Variants in ELAVL3 observed in about 807,000 individuals in gnomAD.
The protein encoded by ELAVL3 is ELAV-like protein 3.
ELAVL3 carries 8 observed loss-of-function variants against 34.2 expected under a neutral mutation model. That is an observed-to-expected ratio of 0.23 (90% CI 0.14 to 0.42). The LOEUF is 0.42. Ranked by LOEUF, ELAVL3 falls within the 10% of genes least tolerant of loss-of-function variation. The pLI, the probability that ELAVL3 is intolerant of heterozygous loss-of-function variation, is 1.00. For missense variants in ELAVL3, 273 were observed against 518.8 expected (o/e 0.53, Z 4.60); for synonymous variants, 209 against 222.1 (o/e 0.94, Z 0.53).
chr19:11,451,478 TTGTCTTTTGTTTTGTC>T lies in ELAVL3; in HGVS notation c.*3032_*3047del. The stretch of plus-strand genomic sequence containing the variant: ...TTCTTGTTGGGTTTTTTTTTTTTTT[TTGTCTTTTGTTTTGTC>T]TTTTTTTTTTTTTTTTTTTTTACAG... On this transcript the variant is annotated 3_prime_UTR_variant, in exon 7 of 7. Coordinates refer to ENST00000359227, the MANE Select transcript of ELAVL3 (RefSeq NM_001420.4). 1 of 150,526 alleles carries T rather than the reference TTGTCTTTTGTTTTGTC, an allele frequency of 6.6e-6. No individual in the cohort carries two copies. Among genetic ancestry groups the T allele is most frequent in the Non-Finnish European group, 1.5e-5 (1 of 67,530 alleles). The allele number at this position is 150,526 out of a possible 1,614,324, so 9.3% of individuals were successfully genotyped here.
rs1386663162 is a variant in ELAVL3 at position 11,458,947 on chromosome 19, T to G, written c.334-336A>C. 1.4e-5 allele frequency among the ~76,000 whole-genome samples: 2 copies of G among 146,964 alleles called. No homozygotes were observed. The highest frequency in any genetic ancestry group is 6.8e-5 in the Admixed American group (1 of 14,638). Reference sequence around the variant, plus strand: ...TGCTTGACAGTCCATCAACAAACATTGACCTTTTTTTTTTTTTAAAGACAG... The same window carrying G: ...TGCTTGACAGTCCATCAACAAACATGGACCTTTTTTTTTTTTTAAAGACAG... On this transcript the variant is annotated intron_variant, in intron 3 of 6. Transcript: ENST00000359227. The surrounding 1 kb of genome is among the most constrained non-coding windows in gnomAD (Gnocchi z 7.3).
At position 11,480,480 on chromosome 19, in the gene ELAVL3, C is replaced by G. The variant is rs937845974; in HGVS notation, c.9+120G>C. 9.0e-6 allele frequency: 11 copies of G among 1,218,762 alleles called. No individual in the cohort carries two copies. Among genetic ancestry groups the G allele is most frequent in the African/African-American group, 4.8e-5 (3 of 62,676 alleles). 75.5% of individuals were successfully genotyped at this position (1,218,762 alleles called of 1,614,324 possible). A position where few individuals can be genotyped will look rare whatever the true frequency, so the allele number is the denominator to read the frequency against. On this transcript the variant is annotated intron_variant, in intron 1 of 6. Transcript: ENST00000359227. This position sits in a 1 kb window ranked among gnomAD's most constrained non-coding sequence, Gnocchi z 6.8. ...GGCCCCGAGGCTTGGTCCTACCCCC[C>G]CAACCCGGGCCTAGCTAGGCCTGGT...
intron 3 of ELAVL3, among the ~76,000 whole-genome samples, chr19:11,464,161 A>G (rs1568382005): frequency 9.5e-6 from 1 of 105,042 alleles, no homozygotes; most frequent in African/African-American, 6.1e-5. Context: ...CTATATATAT[A>G]TATATATTTT....
chr19:11,480,829 C>A lies in ELAVL3; in HGVS notation c.-221G>T, dbSNP rs1971364310. On this transcript the variant is annotated 5_prime_UTR_variant, in exon 1 of 7. Transcript: ENST00000359227. The surrounding 1 kb of genome is among the most constrained non-coding windows in gnomAD (Gnocchi z 6.8). ...GCCGGGCCCCGGGGTGGCCTGCGGG[C>A]GGCAGGGGATGGAAAGAGGGAGCGG... 2.6e-6 allele frequency: 1 copy of A among 390,536 alleles called. No individual in the cohort carries two copies. The highest frequency in any genetic ancestry group is 4.5e-6 in the Non-Finnish European group (1 of 223,396). The allele number at this position is 390,536 out of a possible 1,614,324, so 24.2% of individuals were successfully genotyped here.
rs1166300454 is a variant in ELAVL3 at position 11,452,518 on chromosome 19, TTTC to T, written c.*2005_*2007del. The T allele has an allele frequency of 6.6e-6, 1 of 151,984 alleles. No individual in the cohort carries two copies. The highest frequency in any genetic ancestry group is 2.4e-5 in the African/African-American group (1 of 41,370). 9.4% of individuals were successfully genotyped at this position (151,984 alleles called of 1,614,324 possible). Reference sequence around the variant, plus strand: ...TTTTTTTTAAATCTCTTCTGTGTGTTTTCTTTTTTTGTTGCTTTTTTTTCCTCT... The same window carrying T: ...TTTTTTTTAAATCTCTTCTGTGTGTTTTTTTTTGTTGCTTTTTTTTCCTCT... On this transcript the variant is annotated 3_prime_UTR_variant, in exon 7 of 7. Coordinates refer to ENST00000359227, the MANE Select transcript of ELAVL3 (RefSeq NM_001420.4).
intron 6 of ELAVL3, among the ~76,000 whole-genome samples, chr19:11,455,342 C>A (rs999239708): frequency 2.0e-5 from 3 of 151,128 alleles, no homozygotes; most frequent in African/African-American, 7.3e-5. Flanking sequence ...GCTCTGTTGC[C>A]CAGGCTGGAG....
chr19:11,454,643 G>C lies in ELAVL3; in HGVS notation c.987C>G (p.Phe329Leu). The change falls in exon 7 of 7, where the codon TTC (phenylalanine) becomes TTG (leucine). Residue 329 changes from phenylalanine to leucine, a missense_variant. Around this residue, in one of 4 missense-constraint regions of ELAVL3, gnomAD observed 52 missense variants for 119.6 expected, o/e 0.43. Transcript: ENST00000359227. The surrounding 1 kb of genome is among the most constrained non-coding windows in gnomAD (Gnocchi z 9.2). ...FTTNKCKGFG[F>L]VTMTNYDEAA... ...CCTCGTCATAGTTGGTCATGGTCAC[G>C]AAGCCGAAACCCTTGCACTTGTTGG... The C allele has an allele frequency of 6.2e-7, 1 of 1,614,232 alleles. No homozygotes were observed. The highest frequency in any genetic ancestry group is 8.5e-7 in the Non-Finnish European group (1 of 1,180,030).
chr19:11,466,209 G>C lies in ELAVL3; in HGVS notation c.296C>G (p.Thr99Ser). 1 of 1,613,816 alleles carries C rather than the reference G, an allele frequency of 6.2e-7. No individual in the cohort carries two copies. Among genetic ancestry groups the C allele is most frequent in the African/African-American group, 1.3e-5 (1 of 74,938 alleles). ...DPNDADKAIN[T>S]LNGLKLQTKT... Reference sequence around the variant, plus strand: ...CGTCTGTAATTTGAGGCCGTTGAGGGTGTTGATGGCTTTGTCTGCATCATT... The same window carrying C: ...CGTCTGTAATTTGAGGCCGTTGAGGCTGTTGATGGCTTTGTCTGCATCATT... The change falls in exon 3 of 7, where the codon ACC (threonine) becomes AGC (serine). Residue 99 changes from threonine to serine, a missense_variant. Physicochemically the swap from Thr to Ser is moderately conservative, Grantham distance 58. Transcript: ENST00000359227. The surrounding 1 kb of genome is among the most constrained non-coding windows in gnomAD (Gnocchi z 5.0).
At chr19:11,468,293 T>C (rs34953096) in intron 1 of ELAVL3, among the ~76,000 whole-genome samples, 7 of 152,336 alleles carry the variant, frequency 4.6e-5, no homozygotes, top group African/African-American at 1.7e-4. Context: ...GCTTTTATTG[T>C]ATAACATAAA....
intron 1 of ELAVL3, among the ~76,000 whole-genome samples, chr19:11,474,067 C>T (rs1475919063): frequency 6.6e-6 from 1 of 152,132 alleles, no homozygotes; most frequent in Non-Finnish European, 1.5e-5. Flanking sequence ...GGGTCTCGCT[C>T]TGTCACCCAG....
In ELAVL3 at chr19:11,466,091, G is replaced by A. The variant is rs1041957537; in HGVS notation, c.333+81C>T. 17 of 1,249,176 alleles carry A rather than the reference G, an allele frequency of 1.4e-5. No homozygotes were observed. Among genetic ancestry groups the A allele is most frequent in the East Asian group, 2.4e-5 (1 of 42,476 alleles). 77.4% of individuals were successfully genotyped at this position (1,249,176 alleles called of 1,614,324 possible). On this transcript the variant is annotated intron_variant, in intron 3 of 6. Transcript: ENST00000359227. The surrounding 1 kb of genome is among the most constrained non-coding windows in gnomAD (Gnocchi z 5.0). The stretch of plus-strand genomic sequence containing the variant: ...AAAGGCAGTGGACATGGATGCATGG[G>A]GGCGGGTAGGTGGCAGTAGGGGGTT...
intron 1 of ELAVL3, among the ~76,000 whole-genome samples, chr19:11,476,843 G>C (rs1568388037): frequency 6.6e-6 from 1 of 151,998 alleles, no homozygotes; most frequent in East Asian, 1.9e-4. Context: ...AGCTTGCAGT[G>C]AGCCGAGATT....
intron 1 of ELAVL3, among the ~76,000 whole-genome samples, chr19:11,472,997 G>C (rs1445206943): frequency 6.6e-6 from 1 of 151,390 alleles, no homozygotes; most frequent in South Asian, 2.1e-4. Context: ...AATCCGGGAG[G>C]TGGAGATTGC....
In ELAVL3 at chr19:11,453,189, TTGTGGG is replaced by T. The variant is rs1970691874; in HGVS notation, c.*1331_*1336del. 1 of 147,166 alleles carries T rather than the reference TTGTGGG, an allele frequency of 6.8e-6. No homozygotes were observed. Among genetic ancestry groups the T allele is most frequent in the Non-Finnish European group, 1.5e-5 (1 of 67,068 alleles). 9.1% of individuals were successfully genotyped at this position (147,166 alleles called of 1,614,324 possible). A position where few individuals can be genotyped will look rare whatever the true frequency, so the allele number is the denominator to read the frequency against. ...CAGGGGTGTCCTTTGGCCTCAAGTGTTGTGGGGGGGGGGGCTGCCTCCAGCCCACCG... is the reference window on the plus strand; with the variant it reads ...CAGGGGTGTCCTTTGGCCTCAAGTGTGGGGGGGGCTGCCTCCAGCCCACCG... On this transcript the variant is annotated 3_prime_UTR_variant, in exon 7 of 7. Transcript: ENST00000359227.
intron 1 of ELAVL3, among the ~76,000 whole-genome samples, chr19:11,472,290 G>A (rs1247680884): frequency 6.6e-6 from 1 of 152,196 alleles, no homozygotes; most frequent in Non-Finnish European, 1.5e-5. Flanking sequence ...AGGTTGCAGT[G>A]AGCCAAGATC....
intron 1 of ELAVL3, among the ~76,000 whole-genome samples, chr19:11,470,628 A>C (rs917062618): frequency 5.9e-5 from 9 of 151,760 alleles, no homozygotes; most frequent in African/African-American, 2.2e-4. Context: ...GGTAGCTGAG[A>C]TCCCACCATT....
rs1970658580 is a variant in ELAVL3, at chr19:11,452,128, A to T, written c.*2398T>A. The T allele has an allele frequency of 6.6e-6, 1 of 152,292 alleles. No homozygotes were observed. Among genetic ancestry groups the T allele is most frequent in the Non-Finnish European group, 1.5e-5 (1 of 68,062 alleles). The allele number at this position is 152,292 out of a possible 1,614,324, so 9.4% of individuals were successfully genotyped here. On this transcript the variant is annotated 3_prime_UTR_variant, in exon 7 of 7. Coordinates refer to ENST00000359227, the MANE Select transcript of ELAVL3 (RefSeq NM_001420.4). ...TCAAGACAAGAGCAAAAAGAATCCC[A>T]TTGGTGACCTGGACGTCGCTGGCCG...
chr19:11,471,169 G>C (rs958560031), intron 1 of ELAVL3, among the ~76,000 whole-genome samples: 2 of 151,822 alleles, frequency 1.3e-5, no homozygotes, highest in African/African-American at 4.8e-5. Context: ...AATTAGCCGG[G>C]CATGGTGGTG....
chr19:11,455,000 T>C lies in ELAVL3; in HGVS notation c.753-123A>G. 2.6e-6 allele frequency: 3 copies of C among 1,161,046 alleles called. No individual in the cohort carries two copies. Among genetic ancestry groups the C allele is most frequent in the Non-Finnish European group, 3.6e-6 (3 of 826,230 alleles). 71.9% of individuals were successfully genotyped at this position (1,161,046 alleles called of 1,614,324 possible). A position where few individuals can be genotyped will look rare whatever the true frequency, so the allele number is the denominator to read the frequency against. On this transcript the variant is annotated intron_variant, in intron 6 of 6. Transcript: ENST00000359227. This position sits in a 1 kb window ranked among gnomAD's most constrained non-coding sequence, Gnocchi z 9.2. ...CCTTGGAATGGTGTGACCCCTGCAA[T>C]GCAATTTTTTTTTTTAGAGACACGG...
Sources: gnomAD v4.1 joint callset for allele counts (sites outside exome capture counted in the v4.1 genomes callset) on GRCh38, gnomAD v4.1.1 for gene constraint, gnomAD v4.1.1 regional missense constraint, Gnocchi (gnomAD v3.1) non-coding constraint, MANE v1.5 for transcripts, NCBI Gene and HGNC (gene_info 2026-07-23, HGNC 2026-07-21) for gene names.